CNBD1: variants seen among roughly 807,000 people sequenced by gnomAD.
CNBD1 encodes cyclic nucleotide binding domain containing 1, also known as cyclic nucleotide-binding domain-containing protein 1.
In CNBD1, 71 loss-of-function variants were observed where a neutral mutation model predicts 54.4. The ratio of observed to expected loss-of-function variants is 1.30; its 90% CI spans 1.08 to 1.59. CNBD1 has a LOEUF of 1.59. Ranked by LOEUF, CNBD1 falls within the 40% of genes most tolerant of loss-of-function variation. The pLI, the probability that CNBD1 is intolerant of heterozygous loss-of-function variation, is 0.00. For synonymous variants in CNBD1, 182 were observed against 170.7 expected, an observed-to-expected ratio of 1.07 and a Z score of -0.51; for missense variants, 659 against 518.0, an observed-to-expected ratio of 1.27 and a Z score of -2.64.
intron 4 of CNBD1, among the ~76,000 whole-genome samples, chr8:87,007,578 C>G (rs919651297): frequency 6.6e-6 from 1 of 151,886 alleles, no homozygotes; most frequent in Non-Finnish European, 1.5e-5. Flanking sequence ...TCCTATGTTA[C>G]TGATGGTATT....
intron 3 of CNBD1, among the ~76,000 whole-genome samples, chr8:86,910,556 G>A (rs1809085915): frequency 6.6e-6 from 1 of 152,140 alleles, no homozygotes; most frequent in Non-Finnish European, 1.5e-5. Context: ...CTAGGTGTAA[G>A]ATAAATTAAT....
At chr8:87,114,562 G>C (rs1401554978) in intron 4 of CNBD1, among the ~76,000 whole-genome samples, 1 of 143,324 alleles carries the variant, frequency 7.0e-6, no homozygotes, top group Non-Finnish European at 1.5e-5. Flanking sequence ...TGTTGGCCTG[G>C]CTGGTCTTGA....
intron 6 of CNBD1, among the ~76,000 whole-genome samples, chr8:87,249,232 T>C (rs1300731255): frequency 6.6e-6 from 1 of 152,102 alleles, no homozygotes; most frequent in East Asian, 1.9e-4. Context: ...CATGCACAGT[T>C]CACAATAGGG....
intron 10 of CNBD1, among the ~76,000 whole-genome samples, chr8:87,373,100 A>G (rs1486169949): frequency 6.6e-6 from 1 of 151,826 alleles, no homozygotes; most frequent in Non-Finnish European, 1.5e-5. Flanking sequence ...TCTTCCAGTA[A>G]TAAATAAAGG....
intron 8 of CNBD1, among the ~76,000 whole-genome samples, chr8:87,338,639 A>G (rs1207625668): frequency 7.1e-6 from 1 of 140,850 alleles, no homozygotes; most frequent in South Asian, 2.2e-4. Context: ...TTCTAGTTTG[A>G]AAAGTATATA....
intron 4 of CNBD1, among the ~76,000 whole-genome samples, chr8:87,095,450 T>C (rs1296548356): frequency 1.3e-5 from 2 of 152,214 alleles, no homozygotes; most frequent in African/African-American, 4.8e-5. Flanking sequence ...TCTGACTAGA[T>C]TAGATGTCTC....
At chr8:87,058,724 G>T (rs752745690) in intron 4 of CNBD1, among the ~76,000 whole-genome samples, 1 of 152,170 alleles carries the variant, frequency 6.6e-6, no homozygotes, top group Non-Finnish European at 1.5e-5. Context: ...CAGTAGGAAG[G>T]CCCTGGACCC....
At chr8:87,327,372 C>T (rs1014108991) in intron 8 of CNBD1, among the ~76,000 whole-genome samples, 1 of 151,620 alleles carries the variant, frequency 6.6e-6, no homozygotes, top group Non-Finnish European at 1.5e-5. Context: ...CCTAAGCAAG[C>T]CTGGGCAATG....
At chr8:86,971,942 T>C (rs1011038390) in intron 4 of CNBD1, among the ~76,000 whole-genome samples, 7 of 152,152 alleles carry the variant, frequency 4.6e-5, no homozygotes, top group Admixed American at 2.6e-4. Context: ...TTTATTATCT[T>C]AATGCATTAA....
intron 2 of CNBD1, among the ~76,000 whole-genome samples, chr8:87,404,230 T>C (rs10105587): frequency 0.55 from 83,168 of 151,798 alleles, 23,860 homozygotes; most frequent in African/African-American, 0.71. Context: ...GTTCAAAAGT[T>C]GGAACAGCTT....
At chr8:86,986,330 C>T (rs995073637) in intron 4 of CNBD1, among the ~76,000 whole-genome samples, 19 of 152,078 alleles carry the variant, frequency 1.2e-4, no homozygotes, top group African/African-American at 4.1e-4. Context: ...AGTATCTGTT[C>T]ATGTTCTCTG....
At position 87,340,768 on chromosome 8, in the gene CNBD1, C is replaced by A. The variant is rs529545779; in HGVS notation, c.1043-10917C>A. Among the ~76,000 whole-genome samples, 4 of 152,056 alleles carry A rather than the reference C, an allele frequency of 2.6e-5. No homozygotes were observed. In the South Asian group the frequency reaches 6.2e-4, roughly 24 times the overall value. On this transcript the variant is annotated intron_variant, in intron 8 of 10. Coordinates refer to ENST00000518476, the MANE Select transcript of CNBD1 (RefSeq NM_173538.3). ...TATTCCTGAGTTGTAACATTTGATT[C>A]TTTTTTATATTTTCTCTTTATCAAA... is the stretch of plus-strand genomic sequence containing the variant.
At chr8:87,396,350 TC>T (rs1160745838) in intron 2 of CNBD1, among the ~76,000 whole-genome samples, 6 of 151,898 alleles carry the variant, frequency 4.0e-5, no homozygotes. Flanking sequence ...ATACAGAATT[TC>T]CCTTAAATTA....
intron 4 of CNBD1, among the ~76,000 whole-genome samples, chr8:86,969,928 A>C (rs1313992150): frequency 6.6e-6 from 1 of 151,476 alleles, no homozygotes; most frequent in Non-Finnish European, 1.5e-5. Flanking sequence ...TTAAACTTGC[A>C]TTTCTTTTCA....
intron 8 of CNBD1, among the ~76,000 whole-genome samples, chr8:87,304,204 C>G (rs1409615596): frequency 1.3e-5 from 2 of 151,796 alleles, no homozygotes; most frequent in Admixed American, 1.3e-4. Context: ...TATTGCGGCA[C>G]TATTCACAAT....
intron 4 of CNBD1, among the ~76,000 whole-genome samples, chr8:87,137,123 T>TCTATGTAA (rs1812267802): frequency 7.2e-6 from 1 of 138,750 alleles, no homozygotes; most frequent in African/African-American, 2.7e-5. Context: ...ATTATATTTT[T>TCTATGTAA]ATTATATATA....
At chr8:87,077,803 A>G (rs1810905676) in intron 4 of CNBD1, among the ~76,000 whole-genome samples, 1 of 152,052 alleles carries the variant, frequency 6.6e-6, no homozygotes, top group African/African-American at 2.4e-5. Flanking sequence ...AGATTTTCTT[A>G]ATCCAGTCTA....
chr8:87,324,444 TG>T (rs1379915336), intron 8 of CNBD1, among the ~76,000 whole-genome samples: 1 of 146,190 alleles, frequency 6.8e-6, no homozygotes, highest in Non-Finnish European at 1.5e-5. Flanking sequence ...GGGCTCTTTT[TG>T]GTTGGTAAAC....
rs79273986 is a variant in CNBD1, at chr8:87,123,315, T to C, written c.432-82678T>C. On this transcript the variant is annotated intron_variant, in intron 4 of 10. Coordinates refer to ENST00000518476, the MANE Select transcript of CNBD1 (RefSeq NM_173538.3). Reference sequence around the variant, plus strand: ...AACAAATTTAAAAGTATTTAAATTATATCAAGTGTGGCAATGGTATGAAAC... The same window carrying C: ...AACAAATTTAAAAGTATTTAAATTACATCAAGTGTGGCAATGGTATGAAAC... Among the ~76,000 whole-genome samples, 418 of 151,902 alleles carry C rather than the reference T, an allele frequency of 2.8e-3. 5 individuals carry two copies. The highest frequency in any genetic ancestry group is 9.4e-3 in the African/African-American group (389 of 41,532).
Sources: allele counts gnomAD v4.1 joint callset (sites outside exome capture counted in the v4.1 genomes callset), GRCh38; gene constraint gnomAD v4.1.1; transcripts MANE v1.5; gene names NCBI Gene and HGNC (gene_info 2026-07-23, HGNC 2026-07-21).